NAIP: variants seen among roughly 807,000 people sequenced by gnomAD.
NAIP encodes the protein NLR family apoptosis inhibitory protein.
In NAIP, 15 loss-of-function variants were observed where a neutral mutation model predicts 23.0. That is an observed-to-expected ratio of 0.65 (90% CI 0.44 to 1.00). The LOEUF (loss-of-function observed/expected upper bound fraction) is 1.00. Ranked by LOEUF, NAIP falls within the 50% of genes least tolerant of loss-of-function variation. NAIP has a pLI of 0.00. For missense variants in NAIP, 265 were observed against 278.8 expected (o/e 0.95, Z 0.35); for synonymous variants, 100 against 100.2 (o/e 1.00, Z 0.01).
intron 3 of NAIP, among the ~76,000 whole-genome samples, chr5:71,013,713 A>G (rs1751286897): frequency 6.6e-6 from 1 of 150,988 alleles, no homozygotes; most frequent in Non-Finnish European, 1.5e-5. Flanking sequence ...ACCTGCCAGA[A>G]GCCTCGGGTA....
intron 3 of NAIP, among the ~76,000 whole-genome samples, chr5:71,017,543 C>T (rs112239361): frequency 0.02 from 1,802 of 90,008 alleles, 22 homozygotes; most frequent in Non-Finnish European, 0.04. Context: ...TTGAAACCAG[C>T]CTGGGCAACA....
In NAIP at chr5:71,009,996, T is replaced by G. The variant is rs114498503; in HGVS notation, c.668+1279A>C. On this transcript the variant is annotated intron_variant, in intron 5 of 16. Transcript: ENST00000517649. ...CTTTCTGAGGTTTAAAAATACAGTG[T>G]TTTCATTTGGTATATATTTAGCAGT... Among the ~76,000 whole-genome samples the G allele has an allele frequency of 2.6e-3, 402 of 151,762 alleles. 2 individuals carry two copies. Among genetic ancestry groups the G allele is most frequent in the African/African-American group, 9.3e-3 (383 of 41,366 alleles).
chr5:71,012,514 G>A lies in NAIP; in HGVS notation c.402C>T (p.Asn134=). ...TCACCCTTATGTCGTACTTGGCAAT[G>A]TTACCAACATCCTTGTTCAAAAGGA... is the stretch of plus-strand genomic sequence containing the variant. ...CGFLLNKDVG[N]IAKYDIRVKN... Residue 134 remains asparagine (N), a synonymous_variant, in exon 4 of 17, where the codon AAC becomes AAT. Transcript: ENST00000517649. 2 of 1,611,686 alleles carry A rather than the reference G, an allele frequency of 1.2e-6. No individual in the cohort carries two copies. Among genetic ancestry groups the A allele is most frequent in the Non-Finnish European group, 8.5e-7 (1 of 1,178,460 alleles).
At chr5:71,015,116 C>T (rs1282213265) in intron 3 of NAIP, among the ~76,000 whole-genome samples, 1 of 151,552 alleles carries the variant, frequency 6.6e-6, no homozygotes, top group Non-Finnish European at 1.5e-5. Flanking sequence ...GAGGCTCACA[C>T]CTGTAATCCC....
chr5:70,977,681 A>AAG (rs1750324944), intron 13 of NAIP, among the ~76,000 whole-genome samples: 1 of 148,528 alleles, frequency 6.7e-6, no homozygotes. Flanking sequence ...AAAAAAAAAA[A>AAG]AAAAAAAAAA....
intron 3 of NAIP, among the ~76,000 whole-genome samples, chr5:71,016,465 CTA>C (rs1294521677): frequency 6.6e-6 from 1 of 151,618 alleles, no homozygotes; most frequent in Non-Finnish European, 1.5e-5. Context: ...TAGGCAACTA[CTA>C]TGTTACTTTC....
In NAIP at chr5:71,012,621, A is replaced by C. The variant is rs1222277701; in HGVS notation, c.295T>G (p.Cys99Gly). 1.2e-6 allele frequency: 2 copies of C among 1,612,028 alleles called. No homozygotes were observed. Among genetic ancestry groups the C allele is most frequent in the Admixed American group, 3.3e-5 (2 of 59,916 alleles). Reference protein sequence around the residue: ...TGVKSGIQCFCCSLILFGAGL... With the variant: ...TGVKSGIQCFGCSLILFGAGL... ...GCACCAAAGAGGATTAGGCTACAGC[A>C]GAAGCACTGAATCCCAGATTTTACC... The change falls in exon 4 of 17, where the codon TGC becomes GGC. Residue 99 changes from cysteine to glycine, a missense_variant. Physicochemically the swap from Cys to Gly is radical, Grantham distance 159. This residue lies in a region of NAIP where 261 missense variants were observed against 259.2 expected (regional missense o/e 1.01). Transcript: ENST00000517649.
rs146240038 is a variant in NAIP, at chr5:71,011,572, C to T, written c.569-198G>A. On this transcript the variant is annotated intron_variant, in intron 4 of 16. Transcript: ENST00000517649. ...CACAGCCGTGCTCTAGGTACAGAAC[C>T]CTAAGCTGTGTAACTCAATATCCTG... is the stretch of plus-strand genomic sequence containing the variant. The T allele has an allele frequency of 1.0e-3, 604 of 585,278 alleles. 16 individuals are homozygous for T. In the East Asian group the frequency reaches 0.017, roughly 16 times the overall value. The allele number at this position is 585,278 out of a possible 1,614,324, so 36.3% of individuals were successfully genotyped here.
intron 3 of NAIP, among the ~76,000 whole-genome samples, chr5:71,014,603 AT>A (rs1751348329): frequency 6.6e-6 from 1 of 151,704 alleles, no homozygotes; most frequent in Non-Finnish European, 1.5e-5. Flanking sequence ...TATCATCAAT[AT>A]AATAAGACAT....
At chr5:71,014,758 C>A (rs967889996) in intron 3 of NAIP, among the ~76,000 whole-genome samples, 1 of 151,174 alleles carries the variant, frequency 6.6e-6, no homozygotes, top group Non-Finnish European at 1.5e-5. Flanking sequence ...AAAAAATTAG[C>A]CGGGCATGAT....
At chr5:71,015,812 C>A (rs1751413383) in intron 3 of NAIP, among the ~76,000 whole-genome samples, 1 of 110,676 alleles carries the variant, frequency 9.0e-6, no homozygotes, top group African/African-American at 3.3e-5. Context: ...GTGGCGCATG[C>A]CTATAATCTC....
chr5:71,010,990 C>T lies in NAIP; in HGVS notation c.668+285G>A, dbSNP rs567966758. Among the ~76,000 whole-genome samples, 20 of 151,112 alleles carry T rather than the reference C, an allele frequency of 1.3e-4. No individual in the cohort carries two copies. The South Asian group carries it at 1.5e-3, about 11-fold the overall frequency. ...GCTCACGCCTGTAATCCTAGCACTT[C>T]GGGAGGCCTAGGTGGGTGGACTGCC... On this transcript the variant is annotated intron_variant, in intron 5 of 16. Coordinates refer to ENST00000517649, the MANE Select transcript of NAIP (RefSeq NM_004536.3).
intron 5 of NAIP, among the ~76,000 whole-genome samples, chr5:71,008,365 G>A (rs1307860367): frequency 1.2e-4 from 12 of 97,438 alleles, no homozygotes; most frequent in South Asian, 4.4e-4. Flanking sequence ...CCACCATGCC[G>A]GGCCTCCATT....
At chr5:71,013,584 G>A (rs1751276486) in intron 3 of NAIP, among the ~76,000 whole-genome samples, 1 of 148,818 alleles carries the variant, frequency 6.7e-6, no homozygotes, top group Admixed American at 6.7e-5. Context: ...AGCTTGCAGC[G>A]AGCCGAGATC....
intron 3 of NAIP, among the ~76,000 whole-genome samples, chr5:71,013,181 A>T (rs1326294091): frequency 6.6e-6 from 1 of 151,530 alleles, no homozygotes; most frequent in Non-Finnish European, 1.5e-5. Flanking sequence ...GCCTCCATTC[A>T]TGAAGCTTTC....
chr5:71,012,982 C>A, intron 3 of NAIP, 64 bp from the exon 4 acceptor site: 1 of 1,357,888 alleles, frequency 7.4e-7, no homozygotes, highest in Non-Finnish European at 9.9e-7. Context: ...GAGCATTTCC[C>A]ACTGTTTCCG....
intron 5 of NAIP, 96 bp downstream of exon 5, chr5:71,011,179 G>A (rs1487195809): frequency 4.5e-6 from 4 of 889,616 alleles, no homozygotes; most frequent in African/African-American, 3.4e-5. Flanking sequence ...TTTGCACCGA[G>A]CTGAAGTCAT....
chr5:71,015,243 T>G lies in NAIP; in HGVS notation c.-3-2325A>C, dbSNP rs554816674. Among the ~76,000 whole-genome samples, 726 of 151,266 alleles carry G rather than the reference T, an allele frequency of 4.8e-3. 2 individuals carry two copies. The highest frequency in any genetic ancestry group is 0.017 in the African/African-American group (696 of 41,210). On this transcript the variant is annotated intron_variant, in intron 3 of 16. Coordinates refer to ENST00000517649, the MANE Select transcript of NAIP (RefSeq NM_004536.3). ...AAATTTTAAAAATTAGCCAGATGTG[T>G]TGGCACATGCCTGTAGTCCCAGCTA...
intron 13 of NAIP, among the ~76,000 whole-genome samples, chr5:70,977,395 G>A (rs1207649086): frequency 1.4e-5 from 2 of 146,174 alleles, no homozygotes; most frequent in African/African-American, 2.7e-5. Context: ...CAGGTGCTGT[G>A]GCTCATGCCT....
Sources: gnomAD v4.1 joint callset for allele counts (sites outside exome capture counted in the v4.1 genomes callset) on GRCh38, gnomAD v4.1.1 for gene constraint, gnomAD v4.1.1 regional missense constraint, MANE v1.5 for transcripts, NCBI Gene and HGNC (gene_info 2026-07-23, HGNC 2026-07-21) for gene names.